The following TNIP1 variants were observed in gnomAD, a reference collection of about 807,000 sequenced individuals.
The protein encoded by TNIP1 is TNFAIP3 interacting protein 1.
A neutral mutation model predicts 86.6 loss-of-function variants in TNIP1; 22 were observed. The observed-to-expected ratio is 0.25, with a 90% CI of 0.18 to 0.36. TNIP1 has a LOEUF of 0.36. Ranked by LOEUF, TNIP1 falls within the 10% of genes least tolerant of loss-of-function variation. TNIP1 has a pLI of 1.00. For synonymous variants in TNIP1, 294 were observed against 313.0 expected (o/e 0.94, Z 0.64); for missense variants, 709 against 820.6 (o/e 0.86, Z 1.66).
In TNIP1 at chr5:151,051,417, C is replaced by T. The variant is rs114474636; in HGVS notation, c.722+748G>A. On this transcript the variant is annotated intron_variant, in intron 7 of 17. Transcript: ENST00000521591. ...ACCCAAACTGTCCAGGACCACAGTG[C>T]AGGCAGGAATTGTGGCCACTCACAG... Among the ~76,000 whole-genome samples, 607 of 152,306 alleles carry T rather than the reference C, an allele frequency of 4.0e-3. 2 individuals are homozygous for T. The highest frequency in any genetic ancestry group is 0.014 in the African/African-American group (562 of 41,556).
At chr5:151,071,830 G>A (rs1271498855) in intron 1 of TNIP1, among the ~76,000 whole-genome samples, 6 of 152,046 alleles carry the variant, frequency 3.9e-5, no homozygotes, top group Non-Finnish European at 8.8e-5. Flanking sequence ...CTCAGCCTCC[G>A]AGGCCCAGAT....
chr5:151,053,637 C>G (rs1465515868), intron 6 of TNIP1, among the ~76,000 whole-genome samples: 1 of 152,226 alleles, frequency 6.6e-6, no homozygotes, highest in African/African-American at 2.4e-5. Flanking sequence ...ACAGTGTCAG[C>G]ACAGAGTTGT....
At chr5:151,070,085 C>G (rs1230302809) in intron 1 of TNIP1, among the ~76,000 whole-genome samples, 1 of 152,218 alleles carries the variant, frequency 6.6e-6, no homozygotes, top group Non-Finnish European at 1.5e-5. Context: ...AACCCTGGAG[C>G]AGCCACTCAC....
At chr5:151,059,427 C>T (rs1422673) in intron 5 of TNIP1, among the ~76,000 whole-genome samples, 41,014 of 152,068 alleles carry the variant, frequency 0.27, 6,238 homozygotes, top group East Asian at 0.52. Context: ...TGAGGGGGCC[C>T]TGCACTGGGC....
chr5:151,051,448 AGAGCAAG>A, intron 7 of TNIP1, among the ~76,000 whole-genome samples: 1 of 152,148 alleles, frequency 6.6e-6, no homozygotes, highest in Non-Finnish European at 1.5e-5. Flanking sequence ...CACAGGATGG[AGAGCAAG>A]GAGGCCCAAG....
At chr5:151,076,774 G>A (rs1042452363) in intron 1 of TNIP1, among the ~76,000 whole-genome samples, 3 of 152,166 alleles carry the variant, frequency 2.0e-5, no homozygotes, top group African/African-American at 7.2e-5. Flanking sequence ...ACACTGGAAG[G>A]GGCTGCCTAC....
intron 17 of TNIP1, 22 bp from the exon 18 acceptor site, chr5:151,030,769 G>A (rs1298192698): frequency 1.1e-5 from 17 of 1,587,292 alleles, no homozygotes; most frequent in Non-Finnish European, 1.5e-5. Context: ...AAAATTTTGA[G>A]GACTTCATGA....
chr5:151,083,442 G>A (rs890368476), upstream of TNIP1, among the ~76,000 whole-genome samples: 1 of 152,166 alleles, frequency 6.6e-6, no homozygotes, highest in Non-Finnish European at 1.5e-5. Flanking sequence ...CTAGCCTCTA[G>A]GAGCATGGCA....
chr5:151,086,020 T>G (rs2113871235), upstream of TNIP1, among the ~76,000 whole-genome samples: 1 of 152,278 alleles, frequency 6.6e-6, no homozygotes, highest in Non-Finnish European at 1.5e-5. Flanking sequence ...GTTCCTTGCC[T>G]CTTCTAGCCA....
chr5:151,052,036 A>G (rs1759992960), intron 7 of TNIP1, 129 bp downstream of exon 7: 1 of 717,920 alleles, frequency 1.4e-6, no homozygotes, highest in African/African-American at 1.8e-5. Context: ...AAGAGACGTA[A>G]CCTCCAAATA....
intron 15 of TNIP1, chr5:151,034,512 G>A: frequency 7.3e-6 from 2 of 274,324 alleles, no homozygotes; most frequent in South Asian, 2.9e-5. Flanking sequence ...CGGAAGGCTG[G>A]GTAAATGGAC....
rs1756752055 is a variant in TNIP1, at chr5:151,030,507, A to T, written c.*206T>A. The T allele has an allele frequency of 2.8e-6, 2 of 704,224 alleles. No homozygotes were observed. Among genetic ancestry groups the T allele is most frequent in the Admixed American group, 5.7e-5 (2 of 34,790 alleles). 43.6% of individuals were successfully genotyped at this position (704,224 alleles called of 1,614,324 possible). On this transcript the variant is annotated 3_prime_UTR_variant, in exon 18 of 18. Transcript: ENST00000521591. ...AGTTTTTCCCAGTCACTCCCAGCAGAGTACAAATGAAAGCCTTCTGGGTGG... is the reference window on the plus strand; with the variant it reads ...AGTTTTTCCCAGTCACTCCCAGCAGTGTACAAATGAAAGCCTTCTGGGTGG...
At chr5:151,042,791 T>C in intron 10 of TNIP1, 105 bp downstream of exon 10, 4 of 1,594,870 alleles carry the variant, frequency 2.5e-6, no homozygotes, top group Non-Finnish European at 1.7e-6. Context: ...CTCTGGGCCA[T>C]ACTGGGGCTC....
rs371044292 is a variant in TNIP1 at position 151,056,877 on chromosome 5, G to A, written c.516C>T (p.Ala172=). 57 of 1,605,770 alleles carry A rather than the reference G, an allele frequency of 3.5e-5. No homozygotes were observed. The highest frequency in any genetic ancestry group is 4.6e-5 in the Non-Finnish European group (54 of 1,176,740). The change falls in exon 6 of 18, where the codon GCC becomes GCT. Residue 172 remains alanine, a synonymous_variant. Transcript: ENST00000521591. ...AGAGCTGGCCGTGGTCCGGCTCCTC[G>A]GCACACACACTCAGCGTGGTCTCCA... The part of the protein sequence containing the change: ...QRLETTLSVC[A]EEPDHGQLFT...
chr5:151,062,910 T>A (rs1262081476), intron 3 of TNIP1, among the ~76,000 whole-genome samples: 4 of 152,264 alleles, frequency 2.6e-5, no homozygotes, highest in African/African-American at 9.6e-5. Flanking sequence ...CTGGGCCAGA[T>A]ACCATACAGT....
At chr5:151,032,511 G>T (rs2113214009) in intron 16 of TNIP1, 128 bp from the exon 17 acceptor site, 4 of 936,238 alleles carry the variant, frequency 4.3e-6, no homozygotes, top group Non-Finnish European at 6.6e-6. Flanking sequence ...ACCCAGGCTG[G>T]CACTCCCATT....
At chr5:151,043,912 A>G (rs60285054) in intron 9 of TNIP1, among the ~76,000 whole-genome samples, 2,632 of 152,352 alleles carry the variant, frequency 0.017, 71 homozygotes, top group African/African-American at 0.06. Flanking sequence ...TACATCATCA[A>G]CTAAATAAAA....
chr5:151,036,815 G>A lies in TNIP1; in HGVS notation c.1370C>T (p.Thr457Met), dbSNP rs778977275. 28 of 1,613,900 alleles carry A rather than the reference G, an allele frequency of 1.7e-5. No individual in the cohort carries two copies. The East Asian group carries it at 2.0e-4, about 12-fold the overall frequency. Reference protein sequence around the residue: ...GALLRKQELVTQNELLKQQVK... With the variant: ...GALLRKQELVMQNELLKQQVK... Reference sequence around the variant, plus strand: ...CTGCTGTTTCAGCAACTCATTCTGCGTGACCAGCTCCTGTTTCCTTAGGAG... The same window carrying A: ...CTGCTGTTTCAGCAACTCATTCTGCATGACCAGCTCCTGTTTCCTTAGGAG... Residue 457 changes from threonine (T) to methionine (M), a missense_variant, in exon 13 of 18, where the codon ACG becomes ATG. Physicochemically the swap from Thr to Met is moderately conservative, Grantham distance 81. Coordinates refer to ENST00000521591, the MANE Select transcript of TNIP1 (RefSeq NM_006058.5).
upstream of TNIP1, among the ~76,000 whole-genome samples, chr5:151,084,552 G>A (rs1321832395): frequency 2.0e-5 from 3 of 152,096 alleles, no homozygotes; most frequent in African/African-American, 7.2e-5. Flanking sequence ...GAGGTCTTAC[G>A]TTGAGTTTGT....
Sources: allele counts gnomAD v4.1 joint callset (sites outside exome capture counted in the v4.1 genomes callset), GRCh38; gene constraint gnomAD v4.1.1; transcripts MANE v1.5; gene names NCBI Gene and HGNC (gene_info 2026-07-23, HGNC 2026-07-21).